Variants in LRRTM3 observed in about 807,000 individuals in gnomAD.
LRRTM3 encodes the protein leucine-rich repeat transmembrane neuronal protein 3.
Under a neutral mutation model 44.7 loss-of-function variants are expected in LRRTM3, and 24 were observed. That is an observed-to-expected ratio of 0.54 (90% CI 0.39 to 0.76). LRRTM3 has a LOEUF of 0.76. Ranked by LOEUF, LRRTM3 falls within the 30% of genes least tolerant of loss-of-function variation. LRRTM3 has a pLI of 0.00. For synonymous variants in LRRTM3, 277 were observed against 278.7 expected, an observed-to-expected ratio of 0.99 and a Z score of 0.06; for missense variants, 587 against 702.2, an observed-to-expected ratio of 0.84 and a Z score of 1.85.
chr10:66,978,546 AAAAAAAAT>A (rs1487594099), intron 2 of LRRTM3, among the ~76,000 whole-genome samples: 2 of 71,738 alleles, frequency 2.8e-5, no homozygotes, highest in African/African-American at 9.2e-5. Flanking sequence ...AAAAAAAAAA[AAAAAAAAT>A]ATATATATAT....
At chr10:66,944,873 A>C (rs1848201188) in intron 2 of LRRTM3, among the ~76,000 whole-genome samples, 2 of 152,196 alleles carry the variant, frequency 1.3e-5, no homozygotes, top group South Asian at 4.1e-4. Flanking sequence ...AGTGAGCAGT[A>C]ATACTTTGAA....
intron 2 of LRRTM3, among the ~76,000 whole-genome samples, chr10:66,939,923 A>G (rs192947530): frequency 6.6e-6 from 1 of 152,228 alleles, no homozygotes; most frequent in East Asian, 1.9e-4. Context: ...TATCCACTTC[A>G]TGGTTTCACT....
intron 2 of LRRTM3, among the ~76,000 whole-genome samples, chr10:67,009,069 C>A (rs1403411979): frequency 6.6e-6 from 1 of 152,086 alleles, no homozygotes; most frequent in Non-Finnish European, 1.5e-5. Flanking sequence ...ATTTTTCTCT[C>A]TTCCATGTGA....
intron 2 of LRRTM3, among the ~76,000 whole-genome samples, chr10:67,063,497 C>T (rs552977613): frequency 1.8e-4 from 27 of 152,088 alleles, no homozygotes; most frequent in East Asian, 3.9e-4. Context: ...CCAGCTGGCA[C>T]GAACAGGCAG....
In LRRTM3 at chr10:66,939,069, T is replaced by A. The variant is rs183392685; in HGVS notation, c.1536+10617T>A. 5.6e-4 allele frequency among the ~76,000 whole-genome samples: 86 copies of A among 152,290 alleles called. 1 individual carries two copies. Among genetic ancestry groups the A allele is most frequent in the African/African-American group, 2.0e-3 (85 of 41,560 alleles). Reference sequence around the variant, plus strand: ...CCCACACCAAGGGAACACCCTACGCTATGACAGAAACTAGGTCTTGGCCTC... The same window carrying A: ...CCCACACCAAGGGAACACCCTACGCAATGACAGAAACTAGGTCTTGGCCTC... On this transcript the variant is annotated intron_variant, in intron 2 of 2. Coordinates refer to ENST00000361320, the MANE Select transcript of LRRTM3 (RefSeq NM_178011.5).
At chr10:67,022,268 G>T (rs905984752) in intron 2 of LRRTM3, among the ~76,000 whole-genome samples, 1 of 152,160 alleles carries the variant, frequency 6.6e-6, no homozygotes, top group Admixed American at 6.6e-5. Flanking sequence ...AATAGTCAGT[G>T]TTAGAGATCC....
At chr10:67,031,852 G>T (rs1006821105) in intron 2 of LRRTM3, among the ~76,000 whole-genome samples, 9 of 152,118 alleles carry the variant, frequency 5.9e-5, no homozygotes, top group Non-Finnish European at 8.8e-5. Context: ...GTCATTTTGA[G>T]CAGCCTCTTT....
At chr10:67,089,947 A>T (rs1857532486) in intron 2 of LRRTM3, among the ~76,000 whole-genome samples, 1 of 152,102 alleles carries the variant, frequency 6.6e-6, no homozygotes, top group South Asian at 2.1e-4. Context: ...TGTTTTACAT[A>T]AAGAAAAAAT....
intron 2 of LRRTM3, among the ~76,000 whole-genome samples, chr10:66,934,546 C>T (rs1474509570): frequency 6.6e-6 from 1 of 152,246 alleles, no homozygotes. Context: ...AACACCTCTA[C>T]AGTATATTAT....
chr10:67,070,189 G>C (rs1374366425), intron 2 of LRRTM3, among the ~76,000 whole-genome samples: 1 of 152,072 alleles, frequency 6.6e-6, no homozygotes, highest in Non-Finnish European at 1.5e-5. Context: ...TTGCAATTTG[G>C]ATATCCTCTT....
chr10:67,014,909 A>G (rs984582540), intron 2 of LRRTM3, among the ~76,000 whole-genome samples: 3 of 152,108 alleles, frequency 2.0e-5, no homozygotes, highest in African/African-American at 4.8e-5. Flanking sequence ...CAAATTATAT[A>G]TGCATTTTAA....
intron 2 of LRRTM3, among the ~76,000 whole-genome samples, chr10:67,060,011 C>T (rs144610709): frequency 6.6e-6 from 1 of 151,870 alleles, no homozygotes; most frequent in Non-Finnish European, 1.5e-5. Context: ...AGGTGAGGCA[C>T]GATGATAAAA....
intron 2 of LRRTM3, among the ~76,000 whole-genome samples, chr10:67,091,348 AC>A (rs1389373244): frequency 5.3e-5 from 8 of 151,892 alleles, no homozygotes; most frequent in African/African-American, 1.7e-4. Context: ...ACACAAACAT[AC>A]ATGCATAAAT....
chr10:66,996,508 C>T (rs1379370892), intron 2 of LRRTM3, among the ~76,000 whole-genome samples: 3 of 151,688 alleles, frequency 2.0e-5, no homozygotes, highest in East Asian at 1.9e-4. Context: ...ACTAGCCGGG[C>T]GTGGTGGCGC....
chr10:67,035,506 G>C (rs1853988813), intron 2 of LRRTM3, among the ~76,000 whole-genome samples: 1 of 152,044 alleles, frequency 6.6e-6, no homozygotes. Context: ...AAAGAATATA[G>C]GAGAAAGTTT....
At position 66,957,196 on chromosome 10, in the gene LRRTM3, A is replaced by T. The variant is rs1375047760; in HGVS notation, c.1536+28744A>T. ...TGGTCAATAGGACCAACTTTATCAA[A>T]GATATCTCCCACAGTCTGGCTTCAC... On this transcript the variant is annotated intron_variant, in intron 2 of 2. Coordinates refer to ENST00000361320, the MANE Select transcript of LRRTM3 (RefSeq NM_178011.5). Among the ~76,000 whole-genome samples the T allele has an allele frequency of 2.0e-5, 3 of 151,966 alleles. No homozygotes were observed. In the East Asian group the frequency reaches 5.8e-4, roughly 29 times the overall value.
chr10:66,974,727 T>A (rs1849930658), intron 2 of LRRTM3, among the ~76,000 whole-genome samples: 1 of 152,160 alleles, frequency 6.6e-6, no homozygotes, highest in Admixed American at 6.5e-5. Context: ...GAAGTTATAT[T>A]CTCATTGTGG....
intron 2 of LRRTM3, among the ~76,000 whole-genome samples, chr10:67,017,580 T>C (rs765653166): frequency 2.5e-4 from 38 of 152,172 alleles, no homozygotes; most frequent in Non-Finnish European, 3.5e-4. Flanking sequence ...CCTCTTGCAG[T>C]AACAGAAACT....
chr10:67,066,153 C>T (rs1283842033), intron 2 of LRRTM3, among the ~76,000 whole-genome samples: 1 of 148,756 alleles, frequency 6.7e-6, no homozygotes, highest in Non-Finnish European at 1.5e-5. Context: ...CACCAGTGCT[C>T]GTTTCCCTAT....
Sources: gnomAD v4.1 joint callset for allele counts (sites outside exome capture counted in the v4.1 genomes callset) on GRCh38, gnomAD v4.1.1 for gene constraint, MANE v1.5 for transcripts, NCBI Gene and HGNC (gene_info 2026-07-23, HGNC 2026-07-21) for gene names.